The following PTER variants were observed in gnomAD, a reference collection of about 807,000 sequenced individuals.
PTER encodes N-acetyltaurine hydrolase.
PTER carries 38 observed loss-of-function variants against 29.6 expected under a neutral mutation model. That is an observed-to-expected ratio of 1.28 (90% CI 0.99 to 1.68). PTER has a LOEUF of 1.68. PTER is among the 40% of genes most tolerant of loss of function. The pLI is 0.00. For synonymous variants in PTER, 172 were observed against 154.5 expected (o/e 1.11, Z -0.84); for missense variants, 482 against 427.8 (o/e 1.13, Z -1.12).
Position 16,502,865 on chromosome 10 carries a change from T to C in PTER, c.699-2155T>C, listed in dbSNP as rs576133778. ...TTAGCCGGGAGCAGTGGCACACACC[T>C]GTAGTCCCAGCTACTCGGGAGGCTG... is the stretch of plus-strand genomic sequence containing the variant. On this transcript the variant is annotated intron_variant, in intron 3 of 4. Coordinates refer to ENST00000535784, the MANE Select transcript of PTER (RefSeq NM_001261836.2). 7.3e-5 allele frequency among the ~76,000 whole-genome samples: 11 copies of C among 151,380 alleles called. 1 individual carries two copies. Among genetic ancestry groups the C allele is most frequent in the African/African-American group, 2.7e-4 (11 of 41,258 alleles).
At chr10:16,484,958 G>T (rs1835636992) in intron 2 of PTER, 142 bp downstream of exon 2, 1 of 860,156 alleles carries the variant, frequency 1.2e-6, no homozygotes, top group African/African-American at 1.7e-5. Flanking sequence ...TGGGGCCCCA[G>T]TTAGTAACAC....
intron 3 of PTER, among the ~76,000 whole-genome samples, chr10:16,502,460 G>A (rs1209586917): frequency 1.3e-5 from 2 of 152,066 alleles, no homozygotes; most frequent in Admixed American, 6.5e-5. Flanking sequence ...ATAGAAGATA[G>A]CACAGAACTA....
intron 3 of PTER, among the ~76,000 whole-genome samples, chr10:16,491,995 T>C (rs896017186): frequency 6.6e-6 from 1 of 152,110 alleles, no homozygotes; most frequent in Admixed American, 6.5e-5. Flanking sequence ...AATTGCTACA[T>C]GGCTATCCAA....
intron 1 of PTER, among the ~76,000 whole-genome samples, chr10:16,443,211 C>G (rs982150127): frequency 1.3e-5 from 2 of 152,198 alleles, no homozygotes; most frequent in Non-Finnish European, 2.9e-5. Context: ...AGGTCTCTCT[C>G]TTTGGCTTGT....
At chr10:16,488,006 T>A (rs889791827) in intron 3 of PTER, among the ~76,000 whole-genome samples, 1 of 152,124 alleles carries the variant, frequency 6.6e-6, no homozygotes, top group East Asian at 1.9e-4. Context: ...TTTTACTTAA[T>A]AAAAAATACT....
chr10:16,492,678 G>A (rs1835941475), intron 3 of PTER, among the ~76,000 whole-genome samples: 1 of 152,264 alleles, frequency 6.6e-6, no homozygotes, highest in Non-Finnish European at 1.5e-5. Context: ...GACAGGTGCT[G>A]TGTGCCTGAA....
Position 16,466,211 on chromosome 10 carries a change from G to T in PTER, c.-48-18126G>T, listed in dbSNP as rs191516285. On this transcript the variant is annotated intron_variant, in intron 1 of 4. Coordinates refer to ENST00000535784, the MANE Select transcript of PTER (RefSeq NM_001261836.2). ...CAGGCAGGTGTCCAGGCAGGCAGCA[G>T]ACCAGAGCAAGGCAAGGGCTAGAGT... Among the ~76,000 whole-genome samples, 161 of 152,158 alleles carry T rather than the reference G, an allele frequency of 1.1e-3. 1 individual carries two copies. Among genetic ancestry groups the T allele is most frequent in the African/African-American group, 3.5e-3 (146 of 41,518 alleles).
downstream of PTER, among the ~76,000 whole-genome samples, chr10:16,517,018 C>T (rs1836962569): frequency 6.6e-6 from 1 of 152,200 alleles, no homozygotes; most frequent in African/African-American, 2.4e-5. Flanking sequence ...CTTGAAATTT[C>T]AAGCTCTAGT....
chr10:16,471,969 C>T (rs1002809280), intron 1 of PTER, among the ~76,000 whole-genome samples: 2 of 152,282 alleles, frequency 1.3e-5, no homozygotes, highest in South Asian at 2.1e-4. Context: ...CTTTTGCCAG[C>T]GTGTGGCTAG....
rs183400349 is a variant in PTER at position 16,478,811 on chromosome 10, G to A, written c.-48-5526G>A. Among the ~76,000 whole-genome samples the A allele has an allele frequency of 1.1e-4, 16 of 152,168 alleles. No homozygotes were observed. In the East Asian group the frequency reaches 1.5e-3, roughly 15 times the overall value. ...TGAAGAGTTAATGAAGCCACAAGCC[G>A]ATTTTTTTTATTCAAGGAGTCTGAT... On this transcript the variant is annotated intron_variant, in intron 1 of 4. Transcript: ENST00000535784.
chr10:16,489,719 C>T (rs1489403295), intron 3 of PTER, among the ~76,000 whole-genome samples: 9 of 151,860 alleles, frequency 5.9e-5, no homozygotes, highest in Non-Finnish European at 1.3e-4. Context: ...AGTGTATTCA[C>T]TCCCCATGGC....
At chr10:16,461,254 T>A (rs1294852180) in intron 1 of PTER, among the ~76,000 whole-genome samples, 1 of 152,030 alleles carries the variant, frequency 6.6e-6, no homozygotes, top group Non-Finnish European at 1.5e-5. Context: ...CTGCAGCTTA[T>A]TTTTATGGGG....
At chr10:16,495,259 C>T (rs1347246219) in intron 3 of PTER, among the ~76,000 whole-genome samples, 2 of 151,638 alleles carry the variant, frequency 1.3e-5, no homozygotes, top group Non-Finnish European at 2.9e-5. Flanking sequence ...CAACCTCCAC[C>T]TCCCAGGTTC....
At chr10:16,456,864 G>GGGC (rs1554787523) in intron 1 of PTER, among the ~76,000 whole-genome samples, 2 of 146,116 alleles carry the variant, frequency 1.4e-5, no homozygotes, top group African/African-American at 2.5e-5. Context: ...GGGGAAGGTG[G>GGGC]GGGGGGGTTC....
intron 3 of PTER, among the ~76,000 whole-genome samples, chr10:16,499,701 C>G (rs1045351865): frequency 3.9e-5 from 6 of 152,054 alleles, no homozygotes; most frequent in Non-Finnish European, 8.8e-5. Context: ...ACCTCAGCCT[C>G]GCAAAGTGCT....
rs1262659908 is a variant in PTER at position 16,508,187 on chromosome 10, G to A, written c.840-2859G>A. 7.4e-5 allele frequency among the ~76,000 whole-genome samples: 11 copies of A among 149,464 alleles called. No individual in the cohort carries two copies. In the East Asian group the frequency reaches 2.2e-3, roughly 29 times the overall value. On this transcript the variant is annotated intron_variant, in intron 4 of 4. Transcript: ENST00000535784. ...AGGTTCACGCCATTCTCCTACCTCA[G>A]CCTCCCGAGTAGCTGGGACTACAGG...
chr10:16,446,641 C>T (rs1454369470), intron 1 of PTER, among the ~76,000 whole-genome samples: 1 of 152,128 alleles, frequency 6.6e-6, no homozygotes, highest in Non-Finnish European at 1.5e-5. Context: ...TATGCAGTTT[C>T]TTAGCATTAG....
At position 16,456,862 on chromosome 10, in the gene PTER, T is replaced by TTG. The variant is rs147690650; in HGVS notation, c.-49+19815_-49+19816insTG. ...GGAGGTAACTGAACCATGGGGAAGGTGGGGGGGGGTTCCGCCATGCTGTTC... is the reference window on the plus strand; with the variant it reads ...GGAGGTAACTGAACCATGGGGAAGGTTGGGGGGGGGGTTCCGCCATGCTGTTC... On this transcript the variant is annotated intron_variant, in intron 1 of 4. Transcript: ENST00000535784. Among the ~76,000 whole-genome samples the TTG allele has an allele frequency of 5.3e-5, 6 of 113,662 alleles. 1 individual carries two copies. In the South Asian group the frequency reaches 9.7e-4, roughly 18 times the overall value. 74.6% of individuals were successfully genotyped at this position (113,662 alleles called of 152,430 possible). A position where few individuals can be genotyped will look rare whatever the true frequency, so the allele number is the denominator to read the frequency against.
intron 1 of PTER, chr10:16,476,243 C>G (rs1038927236): frequency 6.6e-6 from 1 of 152,134 alleles, no homozygotes; most frequent in African/African-American, 2.4e-5. Context: ...GCCACCACAC[C>G]TGGCTAATTT....
Sources: allele counts gnomAD v4.1 joint callset (sites outside exome capture counted in the v4.1 genomes callset), GRCh38; gene constraint gnomAD v4.1.1; transcripts MANE v1.5; gene names NCBI Gene and HGNC (gene_info 2026-07-23, HGNC 2026-07-21).